The following GALNTL6 variants were observed in gnomAD, a reference collection of about 807,000 sequenced individuals.
The protein encoded by GALNTL6 is polypeptide N-acetylgalactosaminyltransferase like 6.
In GALNTL6, 46 loss-of-function variants were observed where a neutral mutation model predicts 73.7. That is an observed-to-expected ratio of 0.62 (90% CI 0.49 to 0.80). The LOEUF is 0.80. Ranked by LOEUF, GALNTL6 falls within the 30% of genes least tolerant of loss-of-function variation. GALNTL6 has a pLI of 0.00. For synonymous variants in GALNTL6, 259 were observed against 263.7 expected, an observed-to-expected ratio of 0.98 and a Z score of 0.17; for missense variants, 604 against 755.0, an observed-to-expected ratio of 0.80 and a Z score of 2.34.
At chr4:172,368,275 G>T (rs761852773) in intron 5 of GALNTL6, among the ~76,000 whole-genome samples, 1 of 152,056 alleles carries the variant, frequency 6.6e-6, no homozygotes, top group Non-Finnish European at 1.5e-5. Context: ...CAGCTACTCG[G>T]GAGGCTGAGG....
intron 2 of GALNTL6, among the ~76,000 whole-genome samples, chr4:172,188,489 G>A (rs988421890): frequency 2.1e-4 from 32 of 152,122 alleles, no homozygotes; most frequent in East Asian, 1.9e-4. Context: ...AAAGTGACAC[G>A]GTGTCTGCTC....
chr4:172,719,964 T>G (rs766813518), intron 5 of GALNTL6, among the ~76,000 whole-genome samples: 2 of 152,182 alleles, frequency 1.3e-5, no homozygotes, highest in Non-Finnish European at 2.9e-5. Flanking sequence ...TAAACTGTCA[T>G]GGCGCTGATG....
chr4:172,286,520 A>G (rs1403156816), intron 3 of GALNTL6, among the ~76,000 whole-genome samples: 2 of 152,246 alleles, frequency 1.3e-5, no homozygotes, highest in Admixed American at 1.3e-4. Flanking sequence ...AAAGAAGTTC[A>G]ATACAGCAAA....
chr4:172,616,770 T>C (rs1738752205), intron 5 of GALNTL6, among the ~76,000 whole-genome samples: 1 of 152,076 alleles, frequency 6.6e-6, no homozygotes, highest in African/African-American at 2.4e-5. Flanking sequence ...GGTCTTGGGA[T>C]CCAGTTCTCC....
chr4:171,824,089 AT>A (rs1734761545), intron 2 of GALNTL6, among the ~76,000 whole-genome samples: 1 of 142,472 alleles, frequency 7.0e-6, no homozygotes, highest in Non-Finnish European at 1.5e-5. Flanking sequence ...ATATATATAT[AT>A]ATATATATAT....
intron 2 of GALNTL6, among the ~76,000 whole-genome samples, chr4:172,035,683 A>T (rs1451220506): frequency 4.6e-5 from 7 of 152,130 alleles, no homozygotes; most frequent in Admixed American, 4.6e-4. Context: ...CTTAATGGCA[A>T]CATTTTCTAC....
intron 3 of GALNTL6, among the ~76,000 whole-genome samples, chr4:172,295,258 A>G (rs997441563): frequency 6.6e-6 from 1 of 151,938 alleles, no homozygotes; most frequent in Non-Finnish European, 1.5e-5. Flanking sequence ...TCTTTCTACT[A>G]AAAATACAAA....
chr4:172,750,904 TA>T (rs955753779), intron 5 of GALNTL6, among the ~76,000 whole-genome samples: 5 of 152,308 alleles, frequency 3.3e-5, no homozygotes, highest in East Asian at 3.9e-4. Flanking sequence ...CACATTCTTT[TA>T]GTTGACTCTG....
chr4:172,875,731 A>AC (rs1290248640), intron 7 of GALNTL6, among the ~76,000 whole-genome samples: 4 of 96,390 alleles, frequency 4.1e-5, no homozygotes, highest in Admixed American at 1.2e-4. Context: ...GCTCATACAT[A>AC]AACACACACA....
intron 5 of GALNTL6, among the ~76,000 whole-genome samples, chr4:172,747,855 C>T (rs949847743): frequency 7.2e-6 from 1 of 139,110 alleles, no homozygotes; most frequent in African/African-American, 2.6e-5. Context: ...AAAAAAGCCA[C>T]AGGAAAATAC....
intron 2 of GALNTL6, among the ~76,000 whole-genome samples, chr4:171,933,177 C>T (rs762398305): frequency 6.6e-6 from 1 of 152,132 alleles, no homozygotes; most frequent in Non-Finnish European, 1.5e-5. Context: ...TCCGTTATAA[C>T]GTTTAGTTAT....
At chr4:171,905,625 G>T (rs974244345) in intron 2 of GALNTL6, among the ~76,000 whole-genome samples, 1 of 149,940 alleles carries the variant, frequency 6.7e-6, no homozygotes, top group Non-Finnish European at 1.5e-5. Flanking sequence ...ATTGAACTCA[G>T]CTCTGCACCA....
chr4:172,580,981 C>T (rs1190471942), intron 5 of GALNTL6, among the ~76,000 whole-genome samples: 2 of 152,170 alleles, frequency 1.3e-5, no homozygotes, highest in Non-Finnish European at 2.9e-5. Context: ...AGGCTGGTCT[C>T]AAGCTCCTGA....
chr4:172,549,395 C>T (rs1490248590), intron 5 of GALNTL6, among the ~76,000 whole-genome samples: 1 of 152,142 alleles, frequency 6.6e-6, no homozygotes, highest in Non-Finnish European at 1.5e-5. Context: ...CTGCCTACTG[C>T]CTAACGTGTG....
At chr4:172,141,763 T>C (rs954308723) in intron 2 of GALNTL6, among the ~76,000 whole-genome samples, 7 of 151,848 alleles carry the variant, frequency 4.6e-5, no homozygotes. Flanking sequence ...GAAGCCAAAA[T>C]GTGTGACTAG....
At chr4:173,028,102 A>G (rs938245631) in intron 12 of GALNTL6, among the ~76,000 whole-genome samples, 11 of 152,230 alleles carry the variant, frequency 7.2e-5, no homozygotes, top group Admixed American at 2.0e-4. Flanking sequence ...TGATCCAAAC[A>G]TTTAATGCAA....
intron 5 of GALNTL6, among the ~76,000 whole-genome samples, chr4:172,655,425 AC>A (rs1362938508): frequency 6.6e-6 from 1 of 152,164 alleles, no homozygotes; most frequent in Non-Finnish European, 1.5e-5. Context: ...CCTACTATTC[AC>A]CAGACACTAT....
intron 7 of GALNTL6, among the ~76,000 whole-genome samples, chr4:172,873,560 T>C (rs1745048790): frequency 6.6e-6 from 1 of 152,204 alleles, no homozygotes; most frequent in Non-Finnish European, 1.5e-5. Flanking sequence ...AAAGCTGCCA[T>C]AGATCGTGAG....
intron 3 of GALNTL6, among the ~76,000 whole-genome samples, chr4:172,294,815 A>G (rs938740193): frequency 6.6e-6 from 1 of 152,178 alleles, no homozygotes; most frequent in Non-Finnish European, 1.5e-5. Context: ...AATATTTTTC[A>G]TGATAATTTG....
Sources: allele counts gnomAD v4.1 joint callset (sites outside exome capture counted in the v4.1 genomes callset), GRCh38; gene constraint gnomAD v4.1.1; transcripts MANE v1.5; gene names NCBI Gene and HGNC (gene_info 2026-07-23, HGNC 2026-07-21).